IGF2BP2: variants seen among roughly 807,000 people sequenced by gnomAD.
The protein encoded by IGF2BP2 is insulin like growth factor 2 mRNA binding protein 2.
IGF2BP2 carries 17 observed loss-of-function variants against 75.8 expected under a neutral mutation model. The ratio of observed to expected loss-of-function variants is 0.22; its 90% CI spans 0.15 to 0.34. The LOEUF is 0.34. IGF2BP2 is among the 10% of genes least tolerant of loss of function. The pLI is 1.00. For synonymous variants in IGF2BP2, 288 were observed against 295.6 expected, an observed-to-expected ratio of 0.97 and a Z score of 0.26; for missense variants, 516 against 772.4, an observed-to-expected ratio of 0.67 and a Z score of 3.93.
chr3:185,742,186 T>TA (rs35598775), intron 2 of IGF2BP2, among the ~76,000 whole-genome samples: 56,174 of 135,618 alleles, frequency 0.41, 11,848 homozygotes, highest in African/African-American at 0.56. Flanking sequence ...GCCCACCTCT[T>TA]AAAAAAAAAA....
intron 2 of IGF2BP2, among the ~76,000 whole-genome samples, chr3:185,786,326 G>A (rs1035027046): frequency 6.6e-6 from 1 of 152,176 alleles, no homozygotes; most frequent in South Asian, 2.1e-4. Context: ...CTGAGCCCAA[G>A]CTAAGCCATC....
chr3:185,808,124 A>C (rs6785043), intron 2 of IGF2BP2, among the ~76,000 whole-genome samples: 1 of 118,386 alleles, frequency 8.4e-6, no homozygotes, highest in African/African-American at 4.1e-5. Flanking sequence ...TTTTAAAAAA[A>C]AAAAAAAAAA....
At chr3:185,790,737 T>C (rs1174410400) in intron 2 of IGF2BP2, among the ~76,000 whole-genome samples, 1 of 152,220 alleles carries the variant, frequency 6.6e-6, no homozygotes, top group East Asian at 1.9e-4. Context: ...ACAAGGAAAC[T>C]TGATGTTTGC....
intron 2 of IGF2BP2, among the ~76,000 whole-genome samples, chr3:185,817,801 T>C (rs1045038186): frequency 6.6e-6 from 1 of 152,224 alleles, no homozygotes; most frequent in African/African-American, 2.4e-5. Context: ...AATTTGAACA[T>C]GAATTTGAAT....
chr3:185,735,113 T>C (rs1728685598), intron 2 of IGF2BP2, among the ~76,000 whole-genome samples: 1 of 152,108 alleles, frequency 6.6e-6, no homozygotes, highest in African/African-American at 2.4e-5. Flanking sequence ...TTACATTTTA[T>C]GACAATATCA....
At chr3:185,731,282 T>A (rs1407390537) in intron 2 of IGF2BP2, among the ~76,000 whole-genome samples, 1 of 150,034 alleles carries the variant, frequency 6.7e-6, no homozygotes, top group East Asian at 2.0e-4. Context: ...AGTCTTGCTG[T>A]ATTACCCAGG....
At chr3:185,649,624 A>T in intron 13 of IGF2BP2, 90 bp from the exon 14 acceptor site, 1 of 1,544,296 alleles carries the variant, frequency 6.5e-7, no homozygotes, top group Non-Finnish European at 8.8e-7. Context: ...GAGTCCAGAC[A>T]ATGGGTCAGT....
chr3:185,787,755 G>C (rs879937334), intron 2 of IGF2BP2, among the ~76,000 whole-genome samples: 1 of 151,830 alleles, frequency 6.6e-6, no homozygotes, highest in Non-Finnish European at 1.5e-5. Flanking sequence ...CAGTTTGCAC[G>C]AGTTACAAAG....
intron 6 of IGF2BP2, 48 bp from the exon 7 acceptor site, chr3:185,687,239 G>A: frequency 1.9e-6 from 3 of 1,558,030 alleles, no homozygotes; most frequent in Non-Finnish European, 2.6e-6. Flanking sequence ...ATCTGGATAG[G>A]ACCCTAGCCC....
chr3:185,737,443 T>C (rs1340827845), intron 2 of IGF2BP2, among the ~76,000 whole-genome samples: 1 of 152,182 alleles, frequency 6.6e-6, no homozygotes, highest in African/African-American at 2.4e-5. Context: ...TTTTATAACA[T>C]GGGAGTAACA....
chr3:185,658,034 C>A (rs184629076), intron 11 of IGF2BP2, among the ~76,000 whole-genome samples: 21 of 152,298 alleles, frequency 1.4e-4, no homozygotes, highest in Admixed American at 1.2e-3. Context: ...GGAAACTCTG[C>A]TATTCAGTGC....
At chr3:185,673,692 G>C (rs1283930917) in intron 9 of IGF2BP2, among the ~76,000 whole-genome samples, 1 of 152,176 alleles carries the variant, frequency 6.6e-6, no homozygotes, top group Non-Finnish European at 1.5e-5. Flanking sequence ...CATTCACACT[G>C]TAACTTGCCT....
chr3:185,649,317 G>A (rs1714153875), intron 14 of IGF2BP2, 86 bp downstream of exon 14: 6 of 1,534,560 alleles, frequency 3.9e-6, no homozygotes, highest in Non-Finnish European at 5.3e-6. Context: ...GGGACAGAAG[G>A]CGCCAAGGGG....
At chr3:185,800,859 A>G (rs1738148754) in intron 2 of IGF2BP2, among the ~76,000 whole-genome samples, 1 of 152,220 alleles carries the variant, frequency 6.6e-6, no homozygotes, top group Non-Finnish European at 1.5e-5. Context: ...GCCAAATTTG[A>G]CAAATGGGAT....
intron 2 of IGF2BP2, among the ~76,000 whole-genome samples, chr3:185,769,074 G>C (rs762335846): frequency 6.6e-6 from 1 of 152,190 alleles, no homozygotes; most frequent in East Asian, 1.9e-4. Context: ...GGGGCGCGGT[G>C]GTCCACGCCT....
chr3:185,657,166 A>G, intron 12 of IGF2BP2, 120 bp downstream of exon 12: 1 of 661,470 alleles, frequency 1.5e-6, no homozygotes, highest in Non-Finnish European at 2.7e-6. Flanking sequence ...CAAATGTTCT[A>G]GATCTCTGTG....
chr3:185,683,081 T>C (rs549797947), intron 7 of IGF2BP2, among the ~76,000 whole-genome samples: 1 of 152,338 alleles, frequency 6.6e-6, no homozygotes, highest in East Asian at 1.9e-4. Flanking sequence ...CAAAATGTGC[T>C]ATATACATAC....
chr3:185,687,236 T>C (rs1325839051), intron 6 of IGF2BP2, 45 bp from the exon 7 acceptor site: 1 of 1,567,478 alleles, frequency 6.4e-7, no homozygotes, highest in Non-Finnish European at 8.6e-7. Context: ...GTCATCTGGA[T>C]AGGACCCTAG....
intron 5 of IGF2BP2, among the ~76,000 whole-genome samples, chr3:185,690,544 T>G (rs965815842): frequency 3.3e-5 from 5 of 152,236 alleles, no homozygotes; most frequent in Admixed American, 3.3e-4. Context: ...TTTACCATAG[T>G]TTTTGCAACT....
Sources: allele counts gnomAD v4.1 joint callset (sites outside exome capture counted in the v4.1 genomes callset), GRCh38; gene constraint gnomAD v4.1.1; transcripts MANE v1.5; gene names NCBI Gene and HGNC (gene_info 2026-07-23, HGNC 2026-07-21).